ANO1: variants seen among roughly 807,000 people sequenced by gnomAD.
ANO1 encodes anoctamin 1.
A neutral mutation model predicts 124.0 loss-of-function variants in ANO1; 59 were observed. That is an observed-to-expected ratio of 0.48 (90% CI 0.39 to 0.59). The LOEUF (loss-of-function observed/expected upper bound fraction) is 0.59, where lower values mean the gene tolerates loss of function less well. ANO1 is among the 20% of genes least tolerant of loss of function. The probability of loss-of-function intolerance (pLI) is 0.00; values close to 1 mark genes in which losing one functional copy is unlikely to be tolerated. For missense variants in ANO1, 1,059 were observed against 1,328.0 expected (o/e 0.80, Z 3.15); for synonymous variants, 529 against 532.0 (o/e 0.99, Z 0.08).
Position 70,039,570 on chromosome 11 carries a change from G to A in ANO1, c.59-38972G>A, listed in dbSNP as rs11237547. Among the ~76,000 whole-genome samples the A allele has an allele frequency of 6.1e-4, 89 of 145,138 alleles. 1 individual carries two copies. Among genetic ancestry groups the A allele is most frequent in the East Asian group, 4.0e-3 (15 of 3,704 alleles). On this transcript the variant is annotated intron_variant, in intron 1 of 27. Transcript: ENST00000531349. ...CTTTTCTAGTCCCACCTCCCCTTCC[G>A]CAGGTGGTAGTCCTACCTCCCCTTC...
rs531937881 is a variant in ANO1 at position 70,149,700 on chromosome 11, C to G, written c.1259-10C>G. On this transcript the variant is annotated splice_polypyrimidine_tract_variant and intron_variant, in intron 11 of 25. Coordinates refer to ENST00000355303, the MANE Select transcript of ANO1 (RefSeq NM_018043.7). Reference sequence around the variant, plus strand: ...GTCATCAGAGACTCTGGTTTTGCCCCTGCCCGCAGCTGCCACCTTCATGGA... The same window carrying G: ...GTCATCAGAGACTCTGGTTTTGCCCGTGCCCGCAGCTGCCACCTTCATGGA... The G allele has an allele frequency of 6.8e-6, 11 of 1,612,806 alleles. No homozygotes were observed. The highest frequency in any genetic ancestry group is 6.6e-5 in the South Asian group (6 of 90,790).
chr11:70,154,164 AC>A (rs2047713590), intron 14 of ANO1, among the ~76,000 whole-genome samples: 1 of 152,082 alleles, frequency 6.6e-6, no homozygotes, highest in Non-Finnish European at 1.5e-5. Flanking sequence ...GCCCGCACTG[AC>A]CCTTGGAGGG....
chr11:70,101,191 G>A (rs564423986), intron 2 of ANO1, among the ~76,000 whole-genome samples: 17 of 152,204 alleles, frequency 1.1e-4, no homozygotes, highest in African/African-American at 4.1e-4. Context: ...GCTGGACCTG[G>A]AAGCTTTGCC....
intron 1 of ANO1, among the ~76,000 whole-genome samples, chr11:70,038,567 A>T (rs782054530): frequency 6.6e-6 from 1 of 151,986 alleles, no homozygotes; most frequent in Non-Finnish European, 1.5e-5. Context: ...CATTTCCAAC[A>T]ATTTGGTGGG....
chr11:70,117,551 T>G (rs997099470), intron 8 of ANO1, among the ~76,000 whole-genome samples: 6 of 152,046 alleles, frequency 3.9e-5, no homozygotes, highest in African/African-American at 1.4e-4. Context: ...CCATTTGCTC[T>G]TCCCTCCTCT....
chr11:70,089,636 C>T (rs1020291056), intron 2 of ANO1, among the ~76,000 whole-genome samples: 6 of 152,114 alleles, frequency 3.9e-5, no homozygotes, highest in Non-Finnish European at 5.9e-5. Context: ...AGGAGCCTTA[C>T]AAGTTTTGAT....
intron 1 of ANO1, among the ~76,000 whole-genome samples, chr11:70,042,001 G>T (rs1409561541): frequency 6.6e-6 from 1 of 152,150 alleles, no homozygotes; most frequent in Non-Finnish European, 1.5e-5. Context: ...GCACCTCAGA[G>T]AAATGACTGA....
intron 1 of ANO1, chr11:70,085,670 G>A (rs1482286255): frequency 5.4e-6 from 8 of 1,477,522 alleles, no homozygotes; most frequent in African/African-American, 2.8e-5. Context: ...ACCTATGAAA[G>A]GTGGGGCAGC....
chr11:70,132,505 A>G (rs968166373), intron 11 of ANO1, among the ~76,000 whole-genome samples: 6 of 152,162 alleles, frequency 3.9e-5, no homozygotes, highest in Non-Finnish European at 4.4e-5. Flanking sequence ...AGCCCTCAGC[A>G]TCCCTGCAGG....
At chr11:70,032,583 G>T (rs1483405674) in intron 1 of ANO1, among the ~76,000 whole-genome samples, 7 of 152,020 alleles carry the variant, frequency 4.6e-5, no homozygotes, top group Non-Finnish European at 1.5e-5. Flanking sequence ...ACTGTGAAGG[G>T]GTGGGCAAGG....
chr11:70,114,659 G>C (rs948671486), intron 7 of ANO1, among the ~76,000 whole-genome samples: 4 of 152,192 alleles, frequency 2.6e-5, no homozygotes, highest in Non-Finnish European at 5.9e-5. Flanking sequence ...AGCACTTTGG[G>C]AGGCCAAGAC....
At chr11:70,109,207 G>A (rs1201619542) in intron 6 of ANO1, among the ~76,000 whole-genome samples, 1 of 152,198 alleles carries the variant, frequency 6.6e-6, no homozygotes, top group African/African-American at 2.4e-5. Context: ...GGTGAAAGCT[G>A]GAGTCTGTGC....
At chr11:70,006,663 C>CTTTCTTTTTTTTTTTTTTTTTTTTTT (rs1856495151) in intron 1 of ANO1, among the ~76,000 whole-genome samples, 1 of 88,996 alleles carries the variant, frequency 1.1e-5, no homozygotes, top group Non-Finnish European at 2.1e-5. Flanking sequence ...TTTCTTCTTT[C>CTTTCTTTTTTTTTTTTTTTTTTTTTT]TTTTTTTTTT....
intron 1 of ANO1, among the ~76,000 whole-genome samples, chr11:70,027,898 A>T (rs1475382856): frequency 6.6e-6 from 1 of 152,096 alleles, no homozygotes. Flanking sequence ...CATCATAAAG[A>T]TCTTCGTCTG....
intron 11 of ANO1, among the ~76,000 whole-genome samples, chr11:70,142,744 T>C (rs2047204466): frequency 6.6e-6 from 1 of 152,226 alleles, no homozygotes; most frequent in Non-Finnish European, 1.5e-5. Context: ...GTTCTGAGTA[T>C]GGAGAAGTCC....
intron 8 of ANO1, among the ~76,000 whole-genome samples, chr11:70,119,128 G>C (rs1565218743): frequency 6.8e-6 from 1 of 147,870 alleles, no homozygotes; most frequent in South Asian, 2.2e-4. Flanking sequence ...TGATGGGTGA[G>C]TGGGTGGGTG....
rs1555008902 is a variant in ANO1, at chr11:70,068,351, G to A, written c.59-10191G>A. On this transcript the variant is annotated intron_variant, in intron 1 of 27. Coordinates refer to the ANO1 transcript ENST00000531349. ...GCGGGTGCTAGAATCTGTGGACACC[G>A]ACAAAGGACATTAGCTCATTTGTTC... 3.3e-5 allele frequency among the ~76,000 whole-genome samples: 5 copies of A among 152,180 alleles called. No individual in the cohort carries two copies. In the South Asian group the frequency reaches 6.2e-4, roughly 19 times the overall value.
chr11:70,149,816 T>C, intron 12 of ANO1, 24 bp downstream of exon 12: 1 of 1,610,546 alleles, frequency 6.2e-7, no homozygotes, highest in Non-Finnish European at 8.5e-7. Context: ...CCGCCGTGCA[T>C]ATCACGCCCT....
At chr11:70,073,148 A>C (rs2044002671) in intron 1 of ANO1, among the ~76,000 whole-genome samples, 1 of 152,232 alleles carries the variant, frequency 6.6e-6, no homozygotes, top group Non-Finnish European at 1.5e-5. Context: ...GAATTGAACC[A>C]GTGGCAGGCA....
Sources: gnomAD v4.1 joint callset for allele counts (sites outside exome capture counted in the v4.1 genomes callset) on GRCh38, gnomAD v4.1.1 for gene constraint, MANE v1.5 for transcripts, NCBI Gene and HGNC (gene_info 2026-07-23, HGNC 2026-07-21) for gene names.